RIT2: variants seen among roughly 807,000 people sequenced by gnomAD.
The protein encoded by RIT2 is GTP-binding protein Rit2.
RIT2 carries 24 observed loss-of-function variants against 23.7 expected under a neutral mutation model. The ratio of observed to expected loss-of-function variants is 1.01; its 90% CI spans 0.73 to 1.43. The LOEUF (loss-of-function observed/expected upper bound fraction) is 1.43. Among genes scored for constraint, RIT2 ranks in the 40% most tolerant of loss-of-function variants. RIT2 has a pLI of 0.00. For missense variants in RIT2, 236 were observed against 266.9 expected (o/e 0.88, Z 0.81); for synonymous variants, 107 against 91.1 (o/e 1.17, Z -0.99).
intron 4 of RIT2, among the ~76,000 whole-genome samples, chr18:42,843,051 G>A (rs1047292552): frequency 6.6e-6 from 1 of 152,066 alleles, no homozygotes; most frequent in Admixed American, 6.6e-5. Context: ...CATCTGCCTT[G>A]CACTAGATAT....
chr18:42,940,628 C>T (rs539444332), intron 3 of RIT2, among the ~76,000 whole-genome samples: 7 of 152,080 alleles, frequency 4.6e-5, no homozygotes, highest in Admixed American at 2.0e-4. Flanking sequence ...AAACACATGT[C>T]ATATAAAGTC....
At chr18:42,864,993 T>A (rs1385934719) in intron 4 of RIT2, among the ~76,000 whole-genome samples, 1 of 152,212 alleles carries the variant, frequency 6.6e-6, no homozygotes, top group Non-Finnish European at 1.5e-5. Flanking sequence ...TTCAGTCTGA[T>A]TGACAAGAGT....
intron 3 of RIT2, among the ~76,000 whole-genome samples, chr18:42,972,927 T>G (rs1353479663): frequency 6.6e-6 from 1 of 151,824 alleles, no homozygotes; most frequent in Non-Finnish European, 1.5e-5. Context: ...CATTAAAACT[T>G]TCTACTATAT....
intron 1 of RIT2, among the ~76,000 whole-genome samples, chr18:43,109,100 G>A (rs1913895059): frequency 1.3e-5 from 2 of 152,212 alleles, no homozygotes; most frequent in African/African-American, 4.8e-5. Context: ...TGAGGTGGAA[G>A]GAATTGGTTG....
At chr18:42,797,254 T>C (rs1223945673) in intron 4 of RIT2, among the ~76,000 whole-genome samples, 1 of 152,012 alleles carries the variant, frequency 6.6e-6, no homozygotes, top group Non-Finnish European at 1.5e-5. Context: ...AAAGGTCACT[T>C]AAAAAATCAG....
At chr18:42,930,623 C>T (rs1278724063) in intron 3 of RIT2, among the ~76,000 whole-genome samples, 1 of 151,976 alleles carries the variant, frequency 6.6e-6, no homozygotes, top group African/African-American at 2.4e-5. Context: ...TGACAGAGAT[C>T]AGCTGATTGA....
chr18:42,843,238 T>G, intron 4 of RIT2, among the ~76,000 whole-genome samples: 1 of 152,202 alleles, frequency 6.6e-6, no homozygotes, highest in Non-Finnish European at 1.5e-5. Context: ...ACTTGTCTTG[T>G]GGAGCATTAT....
At chr18:42,960,722 A>G (rs1278195410) in intron 3 of RIT2, among the ~76,000 whole-genome samples, 2 of 152,210 alleles carry the variant, frequency 1.3e-5, no homozygotes, top group African/African-American at 4.8e-5. Context: ...CATTTTATTA[A>G]CAGGACCTAC....
At chr18:42,901,714 T>C (rs1424011577) in intron 4 of RIT2, among the ~76,000 whole-genome samples, 3 of 152,010 alleles carry the variant, frequency 2.0e-5, no homozygotes, top group Non-Finnish European at 4.4e-5. Context: ...TGCTAAAAGG[T>C]CAATTTAAAG....
rs1912495735 is a variant in RIT2 at position 43,056,062 on chromosome 18, G to A, written c.104-22195C>T. On this transcript the variant is annotated intron_variant, in intron 1 of 4. Transcript: ENST00000326695. Reference sequence around the variant, plus strand: ...TCTACATGAGAAGGTTTATGTACAGGGTCCAGTCCTGTGTGCAAAAGTAAG... The same window carrying A: ...TCTACATGAGAAGGTTTATGTACAGAGTCCAGTCCTGTGTGCAAAAGTAAG... Among the ~76,000 whole-genome samples the A allele has an allele frequency of 3.3e-5, 5 of 152,070 alleles. No individual in the cohort carries two copies. In the South Asian group the frequency reaches 1.0e-3, roughly 32 times the overall value.
chr18:43,083,518 G>T (rs58917110), intron 1 of RIT2, among the ~76,000 whole-genome samples: 16 of 152,064 alleles, frequency 1.1e-4, no homozygotes, highest in African/African-American at 3.6e-4. Context: ...CGTGGTGCTC[G>T]TACCAAAACA....
intron 1 of RIT2, among the ~76,000 whole-genome samples, chr18:43,057,797 A>ATTTTTTTTTTTTTTTTT (rs1306990856): frequency 1.2e-5 from 1 of 85,026 alleles, no homozygotes; most frequent in Admixed American, 1.2e-4. Context: ...AGTGATGGAC[A>ATTTTTTTTTTTTTTTTT]CTTTTTTTTT....
intron 4 of RIT2, among the ~76,000 whole-genome samples, chr18:42,825,310 G>T (rs1332001907): frequency 6.6e-6 from 1 of 151,802 alleles, no homozygotes; most frequent in Admixed American, 6.6e-5. Context: ...TAAGAATTTA[G>T]TTCTAAGCTT....
At chr18:42,800,508 C>T (rs1007079296) in intron 4 of RIT2, among the ~76,000 whole-genome samples, 1 of 135,510 alleles carries the variant, frequency 7.4e-6, no homozygotes, top group African/African-American at 2.9e-5. Context: ...TTGTTTGAAG[C>T]AGTTACATTC....
chr18:42,962,368 G>A (rs1910112671), intron 3 of RIT2, among the ~76,000 whole-genome samples: 1 of 152,212 alleles, frequency 6.6e-6, no homozygotes, highest in Non-Finnish European at 1.5e-5. Flanking sequence ...TTGAGGGCAT[G>A]AGTGTATAAG....
chr18:42,904,404 C>T (rs1022173302), intron 4 of RIT2, among the ~76,000 whole-genome samples: 18 of 152,066 alleles, frequency 1.2e-4, no homozygotes, highest in Non-Finnish European at 1.3e-4. Flanking sequence ...AGGTATTAGT[C>T]CTAAGCTACT....
intron 4 of RIT2, among the ~76,000 whole-genome samples, chr18:42,778,926 T>C (rs562502713): frequency 3.3e-5 from 5 of 152,298 alleles, no homozygotes; most frequent in African/African-American, 1.2e-4. Flanking sequence ...GGACAAGAGA[T>C]TGGTTATGAT....
At chr18:43,059,917 T>C (rs896115429) in intron 1 of RIT2, among the ~76,000 whole-genome samples, 1 of 152,120 alleles carries the variant, frequency 6.6e-6, no homozygotes, top group African/African-American at 2.4e-5. Flanking sequence ...GTCCAGGATT[T>C]AGACATGTGC....
chr18:42,977,809 T>G (rs550131569), intron 2 of RIT2, among the ~76,000 whole-genome samples: 16 of 149,054 alleles, frequency 1.1e-4, no homozygotes, highest in African/African-American at 3.7e-4. Context: ...AAAGTATGAC[T>G]TGCAGGGTGC....
Sources: gnomAD v4.1 joint callset for allele counts (sites outside exome capture counted in the v4.1 genomes callset) on GRCh38, gnomAD v4.1.1 for gene constraint, MANE v1.5 for transcripts, NCBI Gene and HGNC (gene_info 2026-07-23, HGNC 2026-07-21) for gene names.